GNAQ: variants seen among roughly 807,000 people sequenced by gnomAD.
The protein encoded by GNAQ is G protein subunit alpha q, also known as guanine nucleotide-binding protein G(q) subunit alpha.
A neutral mutation model predicts 43.9 loss-of-function variants in GNAQ; 8 were observed. That is an observed-to-expected ratio of 0.18 (90% CI 0.11 to 0.33). GNAQ has a LOEUF of 0.33. Among genes scored for constraint, GNAQ ranks in the 10% least tolerant of loss-of-function variants. The pLI, the probability that GNAQ is intolerant of heterozygous loss-of-function variation, is 1.00. For missense variants in GNAQ, 158 were observed against 450.8 expected (o/e 0.35, Z 5.88); for synonymous variants, 155 against 170.7 (o/e 0.91, Z 0.71).
intron 3 of GNAQ, among the ~76,000 whole-genome samples, chr9:77,808,824 C>G (rs185759406): frequency 9.9e-5 from 15 of 151,792 alleles, no homozygotes; most frequent in African/African-American, 2.2e-4. Flanking sequence ...CACCATACAA[C>G]GGTCTTATCT....
chr9:77,762,660 G>T (rs1826063633), intron 5 of GNAQ, among the ~76,000 whole-genome samples: 2 of 151,724 alleles, frequency 1.3e-5, no homozygotes, highest in Non-Finnish European at 2.9e-5. Flanking sequence ...TAGAAAGCGG[G>T]GAAAGGTGGG....
chr9:77,832,242 G>A (rs1827311112), intron 2 of GNAQ, among the ~76,000 whole-genome samples: 2 of 152,100 alleles, frequency 1.3e-5, no homozygotes, highest in Admixed American at 6.6e-5. Flanking sequence ...AGTAAATCCA[G>A]GCTAAGTTTC....
At chr9:77,854,502 T>C (rs535805192) in intron 2 of GNAQ, among the ~76,000 whole-genome samples, 83 of 152,324 alleles carry the variant, frequency 5.4e-4, no homozygotes, top group African/African-American at 1.9e-3. Flanking sequence ...TGCTCATTAA[T>C]TGCTTCAGGT....
At chr9:77,821,130 C>A (rs536663957) in intron 2 of GNAQ, among the ~76,000 whole-genome samples, 2 of 152,294 alleles carry the variant, frequency 1.3e-5, no homozygotes, top group Admixed American at 6.5e-5. Flanking sequence ...TAAGACTTCA[C>A]AAACTGATTT....
At chr9:77,854,957 G>A (rs747397376) in intron 2 of GNAQ, among the ~76,000 whole-genome samples, 1 of 152,144 alleles carries the variant, frequency 6.6e-6, no homozygotes, top group Non-Finnish European at 1.5e-5. Context: ...TGGGAAATGG[G>A]CACTTCAAAA....
chr9:77,839,022 C>T (rs1006693046), intron 2 of GNAQ, among the ~76,000 whole-genome samples: 2 of 152,124 alleles, frequency 1.3e-5, no homozygotes, highest in Non-Finnish European at 2.9e-5. Flanking sequence ...TCTTCACCAT[C>T]TTCTTCTTTG....
At chr9:77,957,335 G>A (rs574310015) in intron 1 of GNAQ, among the ~76,000 whole-genome samples, 11 of 151,554 alleles carry the variant, frequency 7.3e-5, no homozygotes, top group Admixed American at 2.0e-4. Context: ...CAGCCCAGGC[G>A]ACAGTGCAAG....
chr9:77,915,781 T>C (rs1349977393), intron 2 of GNAQ, among the ~76,000 whole-genome samples: 1 of 152,242 alleles, frequency 6.6e-6, no homozygotes, highest in African/African-American at 2.4e-5. Flanking sequence ...TAAGAAATTT[T>C]ATTTTAACAA....
chr9:78,014,208 A>G (rs185194476), intron 1 of GNAQ, among the ~76,000 whole-genome samples: 2 of 152,320 alleles, frequency 1.3e-5, no homozygotes, highest in Admixed American at 1.3e-4. Flanking sequence ...AGAAATCAAG[A>G]AAGAATCAGA....
At chr9:77,934,250 C>T (rs1053108512) in intron 1 of GNAQ, among the ~76,000 whole-genome samples, 5 of 152,076 alleles carry the variant, frequency 3.3e-5, no homozygotes, top group African/African-American at 1.2e-4. Flanking sequence ...CAAGGGTTCT[C>T]TCCAGCGTTG....
intron 3 of GNAQ, among the ~76,000 whole-genome samples, chr9:77,809,461 G>C (rs1368842744): frequency 6.6e-6 from 1 of 152,158 alleles, no homozygotes; most frequent in African/African-American, 2.4e-5. Context: ...ATTAAAGCAG[G>C]TGGTGAAATC....
chr9:77,728,385 C>G (rs916623246), intron 6 of GNAQ, 129 bp downstream of exon 6: 3 of 700,028 alleles, frequency 4.3e-6, no homozygotes, highest in Non-Finnish European at 7.7e-6. Context: ...CCTACTGTAT[C>G]AGTTTCAACA....
intron 2 of GNAQ, among the ~76,000 whole-genome samples, chr9:77,834,482 G>T (rs963796635): frequency 6.8e-6 from 1 of 147,122 alleles, no homozygotes; most frequent in Non-Finnish European, 1.5e-5. Flanking sequence ...ATTGGGGACT[G>T]TTCTTTCAAA....
chr9:77,835,195 G>A (rs1407685016), intron 2 of GNAQ, among the ~76,000 whole-genome samples: 2 of 151,838 alleles, frequency 1.3e-5, no homozygotes, highest in Non-Finnish European at 2.9e-5. Context: ...CTTATAAACC[G>A]TTTATTTCTG....
intron 5 of GNAQ, among the ~76,000 whole-genome samples, chr9:77,793,408 C>T (rs1826607927): frequency 6.6e-6 from 1 of 152,024 alleles, no homozygotes; most frequent in East Asian, 1.9e-4. Context: ...GAAACTTTAT[C>T]AATCCTATAC....
chr9:77,754,033 A>G (rs1825859366), intron 5 of GNAQ, among the ~76,000 whole-genome samples: 1 of 152,194 alleles, frequency 6.6e-6, no homozygotes, highest in Non-Finnish European at 1.5e-5. Context: ...GGGACTGTTG[A>G]AAGTGATGCT....
At chr9:77,902,237 T>C (rs1223914335) in intron 2 of GNAQ, among the ~76,000 whole-genome samples, 1 of 152,242 alleles carries the variant, frequency 6.6e-6, no homozygotes, top group Non-Finnish European at 1.5e-5. Context: ...TAAAAATATA[T>C]TTGTAAGGAG....
intron 3 of GNAQ, among the ~76,000 whole-genome samples, chr9:77,814,392 A>C (rs77078179): frequency 6.4e-4 from 98 of 152,230 alleles, no homozygotes; most frequent in African/African-American, 2.2e-3. Flanking sequence ...AGAATGAAGA[A>C]AGCACACATT....
intron 3 of GNAQ, among the ~76,000 whole-genome samples, chr9:77,799,473 TAATG>T (rs1826709398): frequency 6.6e-6 from 1 of 152,206 alleles, no homozygotes; most frequent in Non-Finnish European, 1.5e-5. Context: ...AAATAGAACT[TAATG>T]AATATGTGTT....
Sources: allele counts gnomAD v4.1 joint callset (sites outside exome capture counted in the v4.1 genomes callset), GRCh38; gene constraint gnomAD v4.1.1; transcripts MANE v1.5; gene names NCBI Gene and HGNC (gene_info 2026-07-23, HGNC 2026-07-21).